TMEM108: variants seen among roughly 807,000 people sequenced by gnomAD.
TMEM108 encodes the protein transmembrane protein 108, also known as cancer/testis antigen 124.
In TMEM108, 12 loss-of-function variants were observed where a neutral mutation model predicts 35.1. The ratio of observed to expected loss-of-function variants is 0.34; its 90% CI spans 0.22 to 0.55. The LOEUF (loss-of-function observed/expected upper bound fraction) is 0.55. TMEM108 is among the 20% of genes least tolerant of loss of function. TMEM108 has a pLI of 0.89. For synonymous variants in TMEM108, 287 were observed against 308.6 expected, an observed-to-expected ratio of 0.93 and a Z score of 0.73; for missense variants, 680 against 753.3, an observed-to-expected ratio of 0.90 and a Z score of 1.14.
intron 2 of TMEM108, among the ~76,000 whole-genome samples, chr3:133,173,221 G>C (rs376116018): frequency 7.2e-5 from 11 of 152,208 alleles, no homozygotes; most frequent in African/African-American, 1.9e-4. Context: ...CACTGTATAA[G>C]TTTGTAAAAA....
intron 3 of TMEM108, among the ~76,000 whole-genome samples, chr3:133,277,012 G>A (rs1168731360): frequency 4.6e-5 from 7 of 152,242 alleles, no homozygotes; most frequent in Middle Eastern, 3.4e-3. Flanking sequence ...TTCTAATGAC[G>A]TGTGAGGTGC....
chr3:133,348,067 T>A (rs918009129), intron 3 of TMEM108, among the ~76,000 whole-genome samples: 2 of 151,508 alleles, frequency 1.3e-5, no homozygotes, highest in African/African-American at 4.9e-5. Context: ...TATCTAAAAG[T>A]ATAAACAGAA....
chr3:133,289,785 T>C (rs917696287), intron 3 of TMEM108, among the ~76,000 whole-genome samples: 6 of 152,230 alleles, frequency 3.9e-5, no homozygotes, highest in African/African-American at 1.4e-4. Flanking sequence ...TTTAAGTTTT[T>C]TGGACCTAAC....
chr3:133,125,700 T>G (rs1944406369), intron 2 of TMEM108, among the ~76,000 whole-genome samples: 1 of 152,206 alleles, frequency 6.6e-6, no homozygotes, highest in Admixed American at 6.5e-5. Context: ...AAAGTTTTAC[T>G]TGTGCATATG....
chr3:133,187,883 C>CAAAAAAAAAAA (rs34894272), intron 2 of TMEM108, among the ~76,000 whole-genome samples: 2 of 127,362 alleles, frequency 1.6e-5, no homozygotes, highest in Non-Finnish European at 1.6e-5. Context: ...ACGGTTGCTG[C>CAAAAAAAAAAA]AAAAAAAAAA....
chr3:133,255,187 G>A (rs1399403296), intron 3 of TMEM108, among the ~76,000 whole-genome samples: 3 of 152,198 alleles, frequency 2.0e-5, no homozygotes, highest in Non-Finnish European at 4.4e-5. Context: ...TTCATTTCTT[G>A]ATGAGGATTG....
chr3:133,274,678 T>C (rs1345489659), intron 3 of TMEM108, among the ~76,000 whole-genome samples: 1 of 152,224 alleles, frequency 6.6e-6, no homozygotes, highest in Non-Finnish European at 1.5e-5. Flanking sequence ...AGAGCTGTAG[T>C]TACTGCTGAA....
chr3:133,345,672 T>C (rs980600708), intron 3 of TMEM108, among the ~76,000 whole-genome samples: 11 of 151,898 alleles, frequency 7.2e-5, no homozygotes, highest in Non-Finnish European at 1.2e-4. Context: ...TAGCAAAATA[T>C]ATGGTTACAG....
chr3:133,145,641 T>C lies in TMEM108; in HGVS notation c.-46-83625T>C, dbSNP rs553201028. Among the ~76,000 whole-genome samples the C allele has an allele frequency of 2.6e-5, 4 of 152,344 alleles. No individual in the cohort carries two copies. The South Asian group carries it at 8.3e-4, about 32-fold the overall frequency. ...TTGTTTGTGTCTGCTCTTATTTCGTTGAGCAGTGGTTTGTAGTTCTCCTTG... is the reference window on the plus strand; with the variant it reads ...TTGTTTGTGTCTGCTCTTATTTCGTCGAGCAGTGGTTTGTAGTTCTCCTTG... On this transcript the variant is annotated intron_variant, in intron 2 of 5. Transcript: ENST00000321871.
intron 2 of TMEM108, among the ~76,000 whole-genome samples, chr3:133,174,560 G>A (rs957772203): frequency 2.6e-5 from 4 of 152,174 alleles, no homozygotes; most frequent in Admixed American, 6.5e-5. Flanking sequence ...GATACCCAGG[G>A]AAACAGGGTC....
intron 1 of TMEM108, among the ~76,000 whole-genome samples, chr3:133,044,183 A>T (rs1224360443): frequency 6.6e-6 from 1 of 152,334 alleles, no homozygotes; most frequent in African/African-American, 2.4e-5. Context: ...GGTTTATGTA[A>T]TAACCTAATT....
intron 3 of TMEM108, among the ~76,000 whole-genome samples, chr3:133,241,547 T>C (rs1032015992): frequency 6.7e-6 from 1 of 149,940 alleles, no homozygotes; most frequent in Admixed American, 6.6e-5. Context: ...GCTCATGTCC[T>C]CCAGAGCATC....
intron 2 of TMEM108, among the ~76,000 whole-genome samples, chr3:133,116,669 A>G (rs1216464262): frequency 6.6e-6 from 1 of 152,212 alleles, no homozygotes; most frequent in African/African-American, 2.4e-5. Flanking sequence ...TGGGTTCAGC[A>G]TAATCCAAAA....
At chr3:133,318,894 A>C (rs2071229583) in intron 3 of TMEM108, among the ~76,000 whole-genome samples, 1 of 143,732 alleles carries the variant, frequency 7.0e-6, no homozygotes, top group Non-Finnish European at 1.5e-5. Flanking sequence ...ATCCTTTGAA[A>C]GAAGCAGCAA....
At chr3:133,181,183 C>A (rs557423900) in intron 2 of TMEM108, among the ~76,000 whole-genome samples, 10 of 152,122 alleles carry the variant, frequency 6.6e-5, no homozygotes, top group Admixed American at 2.0e-4. Context: ...GGAAGCTGGG[C>A]AGCATAGGAA....
intron 2 of TMEM108, among the ~76,000 whole-genome samples, chr3:133,218,199 T>A (rs541087124): frequency 6.6e-6 from 1 of 152,120 alleles, no homozygotes; most frequent in African/African-American, 2.4e-5. Flanking sequence ...TATTGCTCTC[T>A]TTAGATAGTT....
intron 3 of TMEM108, among the ~76,000 whole-genome samples, chr3:133,338,505 A>T (rs564317444): frequency 3.9e-5 from 6 of 152,152 alleles, no homozygotes; most frequent in African/African-American, 1.4e-4. Flanking sequence ...AGACAAACAA[A>T]AGTTAAGGGA....
chr3:133,341,759 G>A (rs1377510216), intron 3 of TMEM108, among the ~76,000 whole-genome samples: 3 of 151,732 alleles, frequency 2.0e-5, no homozygotes, highest in Non-Finnish European at 4.4e-5. Flanking sequence ...TTTTGACAAA[G>A]GGGCCAGGAA....
At chr3:133,243,816 G>A (rs1046494843) in intron 3 of TMEM108, among the ~76,000 whole-genome samples, 3 of 152,126 alleles carry the variant, frequency 2.0e-5, no homozygotes, top group African/African-American at 4.8e-5. Context: ...GAGCCACCGC[G>A]CCCGGCCTCA....
Sources: gnomAD v4.1 joint callset for allele counts (sites outside exome capture counted in the v4.1 genomes callset) on GRCh38, gnomAD v4.1.1 for gene constraint, MANE v1.5 for transcripts, NCBI Gene and HGNC (gene_info 2026-07-23, HGNC 2026-07-21) for gene names.